The following CCDC73 variants were observed in gnomAD, a reference collection of about 807,000 sequenced individuals.
The protein encoded by CCDC73 is coiled-coil domain-containing protein 73.
A neutral mutation model predicts 116.5 loss-of-function variants in CCDC73; 95 were observed. The ratio of observed to expected loss-of-function variants is 0.82; its 90% CI spans 0.69 to 0.97. The LOEUF is 0.97. CCDC73 is among the 50% of genes least tolerant of loss of function. The pLI is 0.00. For synonymous variants in CCDC73, 398 were observed against 401.3 expected (o/e 0.99, Z 0.10); for missense variants, 1,066 against 1,206.8 (o/e 0.88, Z 1.73).
At chr11:32,705,571 C>T (rs1849849089) in intron 3 of CCDC73, among the ~76,000 whole-genome samples, 1 of 152,174 alleles carries the variant, frequency 6.6e-6, no homozygotes, top group South Asian at 2.1e-4. Context: ...TTGCTCTTGG[C>T]AGGCATGGGA....
At chr11:32,775,033 A>C (rs1782920661) in intron 1 of CCDC73, among the ~76,000 whole-genome samples, 1 of 152,190 alleles carries the variant, frequency 6.6e-6, no homozygotes, top group African/African-American at 2.4e-5. Context: ...ATGAGGAAAA[A>C]ATAACATTTT....
intron 1 of CCDC73, among the ~76,000 whole-genome samples, chr11:32,766,128 C>T (rs1850439506): frequency 6.6e-6 from 1 of 152,170 alleles, no homozygotes; most frequent in Non-Finnish European, 1.5e-5. Context: ...TGGGCTTCAT[C>T]CCTGGAATGC....
chr11:32,760,309 G>GT (rs1850381295), intron 1 of CCDC73, 51 bp from the exon 2 acceptor site: 1 of 1,073,206 alleles, frequency 9.3e-7, no homozygotes, highest in East Asian at 2.4e-5. Flanking sequence ...GGTTTTTCAA[G>GT]TAAAAGCATA....
chr11:32,666,341 T>A (rs528184179), intron 9 of CCDC73, among the ~76,000 whole-genome samples: 12 of 152,350 alleles, frequency 7.9e-5, no homozygotes, highest in African/African-American at 2.6e-4. Flanking sequence ...CCATATTTCT[T>A]GGAGGCTTTA....
intron 3 of CCDC73, 101 bp downstream of exon 3, chr11:32,717,975 A>C: frequency 1.3e-6 from 1 of 751,796 alleles, no homozygotes; most frequent in Non-Finnish European, 2.2e-6. Flanking sequence ...AAATGATTCA[A>C]TTACCTCCAC....
intron 7 of CCDC73, among the ~76,000 whole-genome samples, chr11:32,676,375 T>C (rs547636926): frequency 6.6e-6 from 1 of 152,336 alleles, no homozygotes; most frequent in South Asian, 2.1e-4. Flanking sequence ...CTTTACGAGG[T>C]ATTTTTTCTC....
At chr11:32,685,718 C>CTTTTTT (rs149696866) in intron 6 of CCDC73, among the ~76,000 whole-genome samples, 3 of 90,700 alleles carry the variant, frequency 3.3e-5, no homozygotes, top group African/African-American at 4.4e-5. Context: ...CCTGACTTAG[C>CTTTTTT]TTTTTTTTTT....
intron 1 of CCDC73, among the ~76,000 whole-genome samples, chr11:32,776,950 TATATATATATACAC>T (rs1565099240): frequency 7.0e-5 from 2 of 28,428 alleles, no homozygotes; most frequent in African/African-American, 9.5e-5. Flanking sequence ...TATATATATA[TATATATATATACAC>T]ACACACACAT....
chr11:32,637,823 TA>T (rs2133245639), intron 13 of CCDC73, among the ~76,000 whole-genome samples: 1 of 152,330 alleles, frequency 6.6e-6, no homozygotes, highest in Non-Finnish European at 1.5e-5. Context: ...ACCTTTATGC[TA>T]ATAAATCTTA....
At chr11:32,695,507 G>C (rs1419801460) in intron 6 of CCDC73, among the ~76,000 whole-genome samples, 1 of 152,132 alleles carries the variant, frequency 6.6e-6, no homozygotes, top group African/African-American at 2.4e-5. Context: ...GGAGTGAGTT[G>C]AATGTGTTGA....
chr11:32,784,492 TGAA>T, intron 1 of CCDC73, among the ~76,000 whole-genome samples: 1 of 152,180 alleles, frequency 6.6e-6, no homozygotes, highest in Non-Finnish European at 1.5e-5. Context: ...ATGGAGGATG[TGAA>T]GAAGGAGAAG....
chr11:32,710,682 G>A lies in CCDC73; in HGVS notation c.207+7394C>T, dbSNP rs144072552. 4.5e-3 allele frequency among the ~76,000 whole-genome samples: 689 copies of A among 152,268 alleles called. 3 individuals are homozygous for A. The highest frequency in any genetic ancestry group is 0.016 in the African/African-American group (652 of 41,556). ...CTGCAGTTGTTGGGTAGAATGTTCT[G>A]TAAATATACGATAAGTCCATTTGTT... On this transcript the variant is annotated intron_variant, in intron 3 of 17. Coordinates refer to ENST00000335185, the MANE Select transcript of CCDC73 (RefSeq NM_001008391.4).
At chr11:32,736,133 T>A (rs899276699) in intron 2 of CCDC73, among the ~76,000 whole-genome samples, 3 of 152,028 alleles carry the variant, frequency 2.0e-5, no homozygotes, top group African/African-American at 7.2e-5. Flanking sequence ...CCAAAAGCAA[T>A]GGCAACAAAA....
At chr11:32,743,953 G>A (rs1466732113) in intron 2 of CCDC73, among the ~76,000 whole-genome samples, 2 of 152,168 alleles carry the variant, frequency 1.3e-5, no homozygotes, top group Non-Finnish European at 2.9e-5. Context: ...TGTTGAATAG[G>A]AGTGGTGAGA....
intron 17 of CCDC73, 86 bp from the exon 18 acceptor site, chr11:32,603,106 G>T: frequency 9.2e-7 from 1 of 1,083,768 alleles, no homozygotes. Context: ...TTATGAGTAT[G>T]TGGTAAAACC....
At chr11:32,722,619 A>C (rs989137963) in intron 2 of CCDC73, among the ~76,000 whole-genome samples, 13 of 152,234 alleles carry the variant, frequency 8.5e-5, no homozygotes, top group African/African-American at 3.1e-4. Context: ...AAAGGAAATA[A>C]ATGTACATAT....
Position 32,749,308 on chromosome 11 carries a change from G to C in CCDC73, c.135+10801C>G, listed in dbSNP as rs192570734. Among the ~76,000 whole-genome samples the C allele has an allele frequency of 3.2e-3, 488 of 151,810 alleles. 10 individuals are homozygous for C. Among genetic ancestry groups the C allele is most frequent in the Admixed American group, 0.03 (452 of 15,236 alleles). On this transcript the variant is annotated intron_variant, in intron 2 of 17. Transcript: ENST00000335185. ...TGCTTGATCAATTCTGCTATTATGAGACTCTGATGCATTCTTCAGTATGTC... is the reference window on the plus strand; with the variant it reads ...TGCTTGATCAATTCTGCTATTATGACACTCTGATGCATTCTTCAGTATGTC...
chr11:32,606,828 T>G (rs1855357470), intron 17 of CCDC73, among the ~76,000 whole-genome samples: 1 of 80,124 alleles, frequency 1.2e-5, no homozygotes, highest in African/African-American at 4.9e-5. Context: ...TTTTTTTTTT[T>G]GAGACACTGT....
chr11:32,605,115 G>A (rs1855330778), intron 17 of CCDC73: 1 of 149,910 alleles, frequency 6.7e-6, no homozygotes, highest in Admixed American at 6.7e-5. Context: ...GCCTCCCAAA[G>A]TGTTGGGATT....
Sources: allele counts gnomAD v4.1 joint callset (sites outside exome capture counted in the v4.1 genomes callset), GRCh38; gene constraint gnomAD v4.1.1; transcripts MANE v1.5; gene names NCBI Gene and HGNC (gene_info 2026-07-23, HGNC 2026-07-21).